The following ABCA13 variants were observed in gnomAD, a reference collection of about 807,000 sequenced individuals.
ABCA13 encodes the protein ATP-binding cassette sub-family A member 13.
Under a neutral mutation model 478.7 loss-of-function variants are expected in ABCA13, and 476 were observed. The ratio of observed to expected loss-of-function variants is 0.99; its 90% confidence interval spans 0.92 to 1.07. The LOEUF is 1.07. ABCA13 is among the 50% of genes least tolerant of loss of function. The pLI is 0.00. For missense variants in ABCA13, 6,060 were observed against 5,910.6 expected (o/e 1.03, Z -0.83); for synonymous variants, 2,252 against 2,158.9 (o/e 1.04, Z -1.20).
intron 23 of ABCA13, among the ~76,000 whole-genome samples, chr7:48,301,319 C>G (rs184175071): frequency 6.6e-6 from 1 of 152,164 alleles, no homozygotes; most frequent in Admixed American, 6.5e-5. Context: ...TGGGGCCGGT[C>G]CTGGGGGCTG....
At chr7:48,362,612 G>T (rs1385504551) in intron 31 of ABCA13, among the ~76,000 whole-genome samples, 1 of 150,796 alleles carries the variant, frequency 6.6e-6, no homozygotes, top group East Asian at 1.9e-4. Flanking sequence ...CCTCTATCTT[G>T]TGTTTCTTAT....
intron 20 of ABCA13, among the ~76,000 whole-genome samples, chr7:48,294,692 C>T (rs371596802): frequency 4.0e-4 from 61 of 151,598 alleles, no homozygotes; most frequent in South Asian, 3.4e-3. Flanking sequence ...ATGATCCACC[C>T]GCCTCGGCCT....
At chr7:48,294,995 A>G (rs147428757) in intron 20 of ABCA13, among the ~76,000 whole-genome samples, 4 of 152,304 alleles carry the variant, frequency 2.6e-5, no homozygotes, top group African/African-American at 4.8e-5. Flanking sequence ...TTTTGTGAAT[A>G]ATGTAAATAT....
intron 27 of ABCA13, among the ~76,000 whole-genome samples, chr7:48,329,630 C>G (rs556921540): frequency 6.6e-6 from 1 of 151,942 alleles, no homozygotes; most frequent in Admixed American, 6.6e-5. Flanking sequence ...TCCATCCATC[C>G]ATCCATGCAT....
At chr7:48,430,767 G>A (rs1217854045) in intron 42 of ABCA13, among the ~76,000 whole-genome samples, 3 of 150,828 alleles carry the variant, frequency 2.0e-5, no homozygotes, top group African/African-American at 7.3e-5. Flanking sequence ...TAATCTAGCT[G>A]AAGTGTTGTC....
intron 9 of ABCA13, 121 bp downstream of exon 9, chr7:48,239,526 C>A: frequency 8.5e-7 from 1 of 1,180,182 alleles, no homozygotes; most frequent in Non-Finnish European, 1.2e-6. Context: ...AGGAAAGGGC[C>A]TTAGGAGCCC....
At chr7:48,474,598 A>G (rs1827874153) in intron 45 of ABCA13, among the ~76,000 whole-genome samples, 1 of 152,196 alleles carries the variant, frequency 6.6e-6, no homozygotes, top group African/African-American at 2.4e-5. Flanking sequence ...TGGAAATTCC[A>G]AAGAGAATTG....
At chr7:48,629,797 C>A (rs895888803) in intron 59 of ABCA13, among the ~76,000 whole-genome samples, 1 of 152,088 alleles carries the variant, frequency 6.6e-6, no homozygotes, top group South Asian at 2.1e-4. Flanking sequence ...GTCACATCAC[C>A]ACTACTAATG....
chr7:48,519,843 CA>C (rs1832409947), intron 52 of ABCA13, among the ~76,000 whole-genome samples, 197 bp from the exon 53 acceptor site: 1 of 152,134 alleles, frequency 6.6e-6, no homozygotes, highest in Non-Finnish European at 1.5e-5. Flanking sequence ...CCTTGAAAGG[CA>C]AATACCAGTA....
chr7:48,381,674 G>T (rs375539109), intron 35 of ABCA13, among the ~76,000 whole-genome samples: 7 of 152,082 alleles, frequency 4.6e-5, no homozygotes, highest in Admixed American at 3.3e-4. Flanking sequence ...GATTCTGCTC[G>T]ATCTGTCTAA....
chr7:48,338,237 T>A lies in ABCA13; in HGVS notation c.10114-128T>A, dbSNP rs1806575781. ...TTATTTATTGTGGTGTTTTAAAACT[T>A]CTTTTAAGTGGATTCAGTTTATGTG... On this transcript the variant is annotated intron_variant, in intron 28 of 61. Transcript: ENST00000435803. 3 of 577,916 alleles carry A rather than the reference T, an allele frequency of 5.2e-6. No homozygotes were observed. In the Admixed American group the frequency reaches 1.2e-4, roughly 23 times the overall value. 35.8% of individuals were successfully genotyped at this position (577,916 alleles called of 1,614,324 possible).
intron 41 of ABCA13, among the ~76,000 whole-genome samples, chr7:48,415,932 TCCTG>T (rs1212111020): frequency 6.6e-6 from 1 of 152,074 alleles, no homozygotes; most frequent in African/African-American, 2.4e-5. Context: ...TTCCCTTCCT[TCCTG>T]CCTTCCTTCC....
chr7:48,403,803 T>C lies in ABCA13; in HGVS notation c.11994T>C (p.Val3998=), dbSNP rs58244015. Reference sequence around the variant, plus strand: ...TCATGGGCATGTCGAGGACCGTGGTTCTGGATGAGCCCACCAGTGGGGTGG... The same window carrying C: ...TCATGGGCATGTCGAGGACCGTGGTCCTGGATGAGCCCACCAGTGGGGTGG... The part of the protein sequence containing the change: ...IAFMGMSRTV[V]LDEPTSGVDP... The change falls in exon 39 of 62, where the codon GTT becomes GTC. Residue 3998 remains valine, a synonymous_variant. Coordinates refer to ENST00000435803, the MANE Select transcript of ABCA13 (RefSeq NM_152701.5). 3.1e-3 allele frequency: 5,064 copies of C among 1,613,912 alleles called. 115 individuals are homozygous for C. The African/African-American group carries it at 0.057, about 18-fold the overall frequency.
In ABCA13 at chr7:48,578,854, T is replaced by C. The variant is rs114275206; in HGVS notation, c.14355-1370T>C. Among the ~76,000 whole-genome samples, 949 of 152,278 alleles carry C rather than the reference T, an allele frequency of 6.2e-3. 10 individuals carry two copies. The highest frequency in any genetic ancestry group is 0.022 in the African/African-American group (901 of 41,548). On this transcript the variant is annotated intron_variant, in intron 55 of 61. Coordinates refer to ENST00000435803, the MANE Select transcript of ABCA13 (RefSeq NM_152701.5). ...CCCACATCAATACAGTCAACTGATA[T>C]ATGACAAAAGAACAAAGGCAACCAT...
intron 42 of ABCA13, among the ~76,000 whole-genome samples, chr7:48,441,895 G>C (rs1378273778): frequency 6.6e-6 from 1 of 152,206 alleles, no homozygotes; most frequent in South Asian, 2.1e-4. Context: ...CGAAAAAAAT[G>C]AAAACTGTGC....
chr7:48,389,180 G>A lies in ABCA13; in HGVS notation c.11614G>A (p.Ala3872Thr), dbSNP rs749667842. The A allele has an allele frequency of 2.0e-5, 32 of 1,613,766 alleles. No homozygotes were observed. In the Admixed American group the frequency reaches 2.3e-4, roughly 12 times the overall value. The change falls in exon 37 of 62, where the codon GCC becomes ACC. Residue 3872 changes from alanine (A) to threonine (T), a missense_variant. By Grantham distance (58) the Ala-to-Thr change is moderately conservative. This residue lies in a region of ABCA13 where 1,627 missense variants were observed against 1,571.0 expected (regional missense o/e 1.04). Transcript: ENST00000435803. ...GACCTTCTACAGAGACCAAATCACC[G>A]CCCTGCTGGGGACAAACGGTGCCGG... ...SLTFYRDQIT[A>T]LLGTNGAGKT...
chr7:48,391,904 CT>C lies in ABCA13; in HGVS notation c.11655-15del. 6.2e-7 allele frequency: 1 copy of C among 1,611,236 alleles called. No individual in the cohort carries two copies. Reference sequence around the variant, plus strand: ...CAGCAACGCGTATTCTCCATGCTGTCTTATTTTCTCTGGCAGATCCATGTTG... The same window carrying C: ...CAGCAACGCGTATTCTCCATGCTGTCTATTTTCTCTGGCAGATCCATGTTG... On this transcript the variant is annotated splice_polypyrimidine_tract_variant and intron_variant, in intron 37 of 61. Coordinates refer to ENST00000435803, the MANE Select transcript of ABCA13 (RefSeq NM_152701.5).
chr7:48,223,808 T>C (rs1315490892), intron 5 of ABCA13, among the ~76,000 whole-genome samples: 1 of 151,808 alleles, frequency 6.6e-6, no homozygotes, highest in Non-Finnish European at 1.5e-5. Flanking sequence ...AATACAAGAA[T>C]GATCCAGGCG....
Position 48,273,030 on chromosome 7 carries a change from T to C in ABCA13, c.3364T>C (p.Phe1122Leu). The C allele has an allele frequency of 6.2e-7, 1 of 1,613,674 alleles. No individual in the cohort carries two copies. Among genetic ancestry groups the C allele is most frequent in the South Asian group, 1.1e-5 (1 of 91,074 alleles). Residue 1122 changes from phenylalanine to leucine, a missense_variant, in exon 17 of 62, where the codon TTT (phenylalanine) becomes CTT (leucine). This residue lies in a region of ABCA13 where 4,423 missense variants were observed against 4,309.1 expected (regional missense o/e 1.03). Transcript: ENST00000435803. ...AACAAGTGAGGAGTCTTCATTTGTT[T>C]TTCCATTGGCACAAATTTTTTCAAA... ...YSTSEESSFV[F>L]PLAQIFSNLS... is the part of the protein sequence containing the mutation.
Sources: allele counts gnomAD v4.1 joint callset (sites outside exome capture counted in the v4.1 genomes callset), GRCh38; gene constraint gnomAD v4.1.1; regional missense constraint gnomAD v4.1.1; transcripts MANE v1.5; gene names NCBI Gene and HGNC (gene_info 2026-07-23, HGNC 2026-07-21).